Variants in CASK observed in about 807,000 individuals in gnomAD.
The protein encoded by CASK is calcium/calmodulin dependent serine protein kinase, also known as peripheral plasma membrane protein CASK.
CASK carries 4 observed loss-of-function variants against 82.9 expected under a neutral mutation model. The ratio of observed to expected loss-of-function variants is 0.05; its 90% confidence interval spans 0.02 to 0.11. The LOEUF (loss-of-function observed/expected upper bound fraction) is 0.11. CASK is among the 10% of genes least tolerant of loss of function. The pLI is 1.00. For missense variants in CASK, 358 were observed against 720.9 expected, an observed-to-expected ratio of 0.50 and a Z score of 5.76; for synonymous variants, 259 against 253.5, an observed-to-expected ratio of 1.02 and a Z score of -0.20.
At chrX:41,908,331 G>A (rs754228765) in intron 1 of CASK, among the ~76,000 whole-genome samples, 2 of 112,389 alleles carry the variant, frequency 1.8e-5, no homozygotes, top group East Asian at 5.6e-4. Context: ...AGCTGAGATT[G>A]TGCCACTGCA....
Position 41,520,742 on chromosome X carries a change from T to TA in CASK, c.2605-147dup. ...GTCAAGGCCAGACCCTGATATGCCA[T>TA]ATGCCAGCATGAGGCCAAGTCCGCT... On this transcript the variant is annotated intron_variant, in intron 26 of 26. Coordinates refer to ENST00000378163, the MANE Select transcript of CASK (RefSeq NM_001367721.1). The TA allele has an allele frequency of 9.5e-6, 5 of 526,854 alleles. No individual in the cohort carries two copies. The Admixed American group carries it at 1.3e-4, about 13-fold the overall frequency. The allele number at this position is 526,854 out of a possible 1,213,427, so 43.4% of individuals were successfully genotyped here.
At chrX:41,669,257 G>A (rs1468811627) in intron 6 of CASK, among the ~76,000 whole-genome samples, 3 of 111,101 alleles carry the variant, frequency 2.7e-5, no homozygotes, top group Admixed American at 1.9e-4. Context: ...AGCGGTGGGC[G>A]GTGGGGGGGA....
chrX:41,738,633 C>T (rs1327027068), intron 5 of CASK, among the ~76,000 whole-genome samples: 1 of 111,882 alleles, frequency 8.9e-6, no homozygotes, highest in African/African-American at 3.2e-5. Flanking sequence ...GGAAGGAACA[C>T]TATGTATGTG....
chrX:41,904,727 C>T (rs993132320), intron 1 of CASK, among the ~76,000 whole-genome samples: 3 of 111,298 alleles, frequency 2.7e-5, no homozygotes, highest in Non-Finnish European at 5.7e-5. Flanking sequence ...TAGTATCCTA[C>T]AATTTTTCGA....
chrX:41,789,143 G>GT (rs2069669162), intron 2 of CASK, among the ~76,000 whole-genome samples: 1 of 111,592 alleles, frequency 9.0e-6, no homozygotes, highest in Non-Finnish European at 1.9e-5. Flanking sequence ...GGTTTTACTT[G>GT]TTTGTTTTTT....
intron 7 of CASK, among the ~76,000 whole-genome samples, chrX:41,664,800 T>C (rs1258778668): frequency 8.9e-6 from 1 of 112,736 alleles, no homozygotes; most frequent in African/African-American, 3.2e-5. Flanking sequence ...CAAAGAAGAA[T>C]AGGAATGTTT....
rs142101492 is a variant in CASK, at chrX:41,822,207, T to C, written c.172+30908A>G. 6.5e-3 allele frequency among the ~76,000 whole-genome samples: 728 copies of C among 112,158 alleles called. 8 individuals carry two copies. The highest frequency in any genetic ancestry group is 0.023 in the African/African-American group (693 of 30,682). On this transcript the variant is annotated intron_variant, in intron 2 of 26. Coordinates refer to ENST00000378163, the MANE Select transcript of CASK (RefSeq NM_001367721.1). ...ATCTCTAATGTGTTGTATTGCACCTTCTTATTTCTTGAAATATCACTTCAT... is the reference window on the plus strand; with the variant it reads ...ATCTCTAATGTGTTGTATTGCACCTCCTTATTTCTTGAAATATCACTTCAT...
chrX:41,917,348 A>C (rs1437768333), intron 1 of CASK, among the ~76,000 whole-genome samples: 1 of 112,516 alleles, frequency 8.9e-6, no homozygotes, highest in Non-Finnish European at 1.9e-5. Context: ...TTTATAAAGT[A>C]AGCTTTAAGT....
At chrX:41,723,870 T>C (rs1602523967) in intron 5 of CASK, among the ~76,000 whole-genome samples, 3 of 112,266 alleles carry the variant, frequency 2.7e-5, no homozygotes, top group Admixed American at 9.5e-5. Flanking sequence ...AATATTTGTA[T>C]TGGGTTACTA....
chrX:41,827,464 T>C (rs2070691258), intron 2 of CASK, among the ~76,000 whole-genome samples: 1 of 111,959 alleles, frequency 8.9e-6, no homozygotes. Context: ...TACATGGTAG[T>C]GGGGGCAAGT....
At chrX:41,812,160 A>T (rs2070303693) in intron 2 of CASK, among the ~76,000 whole-genome samples, 1 of 111,993 alleles carries the variant, frequency 8.9e-6, no homozygotes, top group Admixed American at 9.5e-5. Flanking sequence ...TACCAGAGGT[A>T]CAAGGAGGAA....
At chrX:41,532,089 C>G (rs1364360645) in intron 24 of CASK, among the ~76,000 whole-genome samples, 1 of 111,406 alleles carries the variant, frequency 9.0e-6, no homozygotes, top group Non-Finnish European at 1.9e-5. Flanking sequence ...GCGTGTACCA[C>G]CATGCCCAGC....
chrX:41,888,097 C>G, intron 1 of CASK, among the ~76,000 whole-genome samples: 1 of 111,518 alleles, frequency 9.0e-6, no homozygotes, highest in Non-Finnish European at 1.9e-5. Context: ...AAGTTTTAGG[C>G]TACATAGCAG....
chrX:41,603,412 C>A, intron 12 of CASK, among the ~76,000 whole-genome samples: 1 of 111,827 alleles, frequency 8.9e-6, no homozygotes, highest in South Asian at 3.7e-4. Flanking sequence ...TGTAGTTTTC[C>A]ATGGCTAACT....
chrX:41,613,814 T>G (rs1004530820), intron 11 of CASK, among the ~76,000 whole-genome samples: 9 of 111,488 alleles, frequency 8.1e-5, no homozygotes, highest in Non-Finnish European at 1.5e-4. Context: ...TATTTCATTC[T>G]GTTCTTATCC....
chrX:41,645,856 ATAAT>A (rs1181969353), intron 8 of CASK, among the ~76,000 whole-genome samples: 1 of 110,839 alleles, frequency 9.0e-6, no homozygotes, highest in Non-Finnish European at 1.9e-5. Flanking sequence ...CCTGCTACAC[ATAAT>A]TATTCTTATT....
chrX:41,785,353 G>A (rs2069572113), intron 3 of CASK, among the ~76,000 whole-genome samples: 2 of 112,025 alleles, frequency 1.8e-5, no homozygotes, highest in African/African-American at 6.5e-5. Context: ...TGAAGGCTGT[G>A]TCTCTATGAC....
At chrX:41,801,360 ATCC>A (rs2069994537) in intron 2 of CASK, among the ~76,000 whole-genome samples, 1 of 111,143 alleles carries the variant, frequency 9.0e-6, no homozygotes, top group Non-Finnish European at 1.9e-5. Flanking sequence ...TCCCCACCCA[ATCC>A]TCCTCTTTTT....
intron 5 of CASK, among the ~76,000 whole-genome samples, chrX:41,715,628 A>G (rs1185021929): frequency 9.1e-6 from 1 of 109,817 alleles, no homozygotes; most frequent in African/African-American, 3.3e-5. Context: ...GACTTGAAAA[A>G]AAAAAAAAAA....
Sources: allele counts gnomAD v4.1 joint callset (sites outside exome capture counted in the v4.1 genomes callset), GRCh38; gene constraint gnomAD v4.1.1; transcripts MANE v1.5; gene names NCBI Gene and HGNC (gene_info 2026-07-23, HGNC 2026-07-21).